Variants in VPS13D observed in about 807,000 individuals in gnomAD.
VPS13D encodes the protein intermembrane lipid transfer protein VPS13D.
Under a neutral mutation model 461.9 loss-of-function variants are expected in VPS13D, and 187 were observed. The observed-to-expected ratio is 0.40, with a 90% CI of 0.36 to 0.46. The LOEUF is 0.46. Among genes scored for constraint, VPS13D ranks in the 20% least tolerant of loss-of-function variants. VPS13D has a pLI of 0.60. For missense variants in VPS13D, 4,711 were observed against 5,364.9 expected, an observed-to-expected ratio of 0.88 and a Z score of 3.81; for synonymous variants, 1,951 against 1,986.3, an observed-to-expected ratio of 0.98 and a Z score of 0.47.
rs1236740160 is a variant in VPS13D, at chr1:12,379,554, A to T, written c.11148A>T (p.Arg3716=). The change falls in exon 57 of 70, where the codon CGA becomes CGT. Residue 3716 remains arginine (R), a synonymous_variant. Transcript: ENST00000620676. ...GCACAACTCAGACGTGGAGTTTCCG[A>T]GAAGGAAAACTGACCTGTGGGTTAC... ...RRSTTQTWSF[R]EGKLTCGLHG... The T allele has an allele frequency of 6.2e-7, 1 of 1,613,650 alleles. No homozygotes were observed. The highest frequency in any genetic ancestry group is 1.7e-5 in the Admixed American group (1 of 59,980).
At position 12,327,819 on chromosome 1, in the gene VPS13D, A is replaced by G; in HGVS notation, c.8162A>G (p.Asp2721Gly). ...VCICFIDDCMDCDVPLAELTF... is the reference protein window; with the variant it reads ...VCICFIDDCMGCDVPLAELTF... ...ATCTGTTTCATCGATGACTGCATGG[A>G]TTGTGATGTTCCTCTCGCTGAACTC... The change falls in exon 36 of 70, where the codon GAT (aspartate) becomes GGT (glycine). Residue 2721 changes from aspartate to glycine, a missense_variant. By Grantham distance (94) the Asp-to-Gly change is moderately conservative (BLOSUM62 -1). Transcript: ENST00000620676. 6.2e-7 allele frequency: 1 copy of G among 1,613,792 alleles called. No homozygotes were observed.
chr1:12,337,286 T>A (rs1643472958), intron 39 of VPS13D: 1 of 152,224 alleles, frequency 6.6e-6, no homozygotes, highest in African/African-American at 2.4e-5. Flanking sequence ...GGTAGTACAG[T>A]ACATTCCAGG....
At chr1:12,456,635 T>TCAAA (rs1645332184) in intron 66 of VPS13D, among the ~76,000 whole-genome samples, 1 of 53,830 alleles carries the variant, frequency 1.9e-5, no homozygotes, top group African/African-American at 1.0e-4. Context: ...AGACTCCAAT[T>TCAAA]CAAAAAAAAA....
rs1471182816 is a variant in VPS13D at position 12,510,654 on chromosome 1, T to C, written c.*1630T>C. 7 of 152,248 alleles carry C rather than the reference T, an allele frequency of 4.6e-5. No individual in the cohort carries two copies. The highest frequency in any genetic ancestry group is 1.7e-4 in the African/African-American group (7 of 41,450). The allele number at this position is 152,248 out of a possible 1,614,324, so 9.4% of individuals were successfully genotyped here. The stretch of plus-strand genomic sequence containing the variant: ...GCTTTCTTGAACTCCGAGGCTTGGT[T>C]GCCTTTGCTGAACTCCAAGTTAGTG... On this transcript the variant is annotated 3_prime_UTR_variant, in exon 70 of 70. Transcript: ENST00000620676.
intron 65 of VPS13D, among the ~76,000 whole-genome samples, chr1:12,425,606 A>G (rs114692547): frequency 0.011 from 1,616 of 151,086 alleles, 23 homozygotes; most frequent in African/African-American, 0.036. Context: ...TGTAGCCATC[A>G]TTTATTAACT....
At position 12,260,700 on chromosome 1, in the gene VPS13D, T is replaced by C. The variant is rs1208130146; in HGVS notation, c.1118T>C (p.Met373Thr). The change falls in exon 11 of 70, where the codon ATG (methionine) becomes ACG (threonine). Residue 373 changes from methionine to threonine, a missense_variant. Transcript: ENST00000620676. ...TTGTTTTCACCCAAACAGGAGGAAATGTGTCGGATTGAAGAGGAACAGAGC... is the reference window on the plus strand; with the variant it reads ...TTGTTTTCACCCAAACAGGAGGAAACGTGTCGGATTGAAGAGGAACAGAGC... Reference protein sequence around the residue: ...GLLSTDDKEEMCRIEEEQSFE... With the variant: ...GLLSTDDKEETCRIEEEQSFE... 1 of 1,613,986 alleles carries C rather than the reference T, an allele frequency of 6.2e-7. No homozygotes were observed. Among genetic ancestry groups the C allele is most frequent in the Non-Finnish European group, 8.5e-7 (1 of 1,180,004 alleles).
At chr1:12,262,623 C>A (rs1641145619) in intron 13 of VPS13D, among the ~76,000 whole-genome samples, 1 of 152,050 alleles carries the variant, frequency 6.6e-6, no homozygotes. Context: ...GTATTCTGAG[C>A]ACTTTTAAGG....
chr1:12,359,859 T>C (rs144605678), intron 50 of VPS13D, among the ~76,000 whole-genome samples: 1 of 152,356 alleles, frequency 6.6e-6, no homozygotes, highest in African/African-American at 2.4e-5. Context: ...CACTTTCGTT[T>C]GCTCCACCCT....
chr1:12,324,546 C>A (rs1019449113), intron 35 of VPS13D, among the ~76,000 whole-genome samples: 2 of 152,118 alleles, frequency 1.3e-5, no homozygotes, highest in Admixed American at 1.3e-4. Flanking sequence ...GGTTCAGATC[C>A]TTACTGTCTG....
chr1:12,485,745 A>G (rs977411970), intron 67 of VPS13D, among the ~76,000 whole-genome samples: 2 of 152,248 alleles, frequency 1.3e-5, no homozygotes, highest in Non-Finnish European at 2.9e-5. Flanking sequence ...CAAACAAACC[A>G]GTTTGCCAAG....
intron 63 of VPS13D, among the ~76,000 whole-genome samples, chr1:12,411,579 A>G (rs1007415437): frequency 2.0e-5 from 3 of 152,072 alleles, no homozygotes; most frequent in African/African-American, 7.2e-5. Context: ...GAAAACATTA[A>G]CTACTGTATC....
chr1:12,414,604 G>C (rs890908974), intron 63 of VPS13D, among the ~76,000 whole-genome samples: 1 of 152,182 alleles, frequency 6.6e-6, no homozygotes, highest in Admixed American at 6.5e-5. Flanking sequence ...GTTGTCTTTG[G>C]GGAGGAAGGA....
At chr1:12,476,139 T>C (rs1479801043) in intron 67 of VPS13D, among the ~76,000 whole-genome samples, 1 of 152,212 alleles carries the variant, frequency 6.6e-6, no homozygotes, top group Admixed American at 6.5e-5. Flanking sequence ...ATGGCAGCTC[T>C]CTTTGTCCTG....
intron 36 of VPS13D, among the ~76,000 whole-genome samples, chr1:12,328,359 CTTTT>C (rs71570103): frequency 3.7e-5 from 5 of 134,168 alleles, no homozygotes; most frequent in Admixed American, 7.6e-5. Flanking sequence ...GTACTCTATC[CTTTT>C]TTTTTTTTTT....
chr1:12,466,041 A>G (rs2100433119), intron 67 of VPS13D, among the ~76,000 whole-genome samples: 1 of 152,220 alleles, frequency 6.6e-6, no homozygotes, highest in South Asian at 2.1e-4. Flanking sequence ...AGGCTGAGGC[A>G]GGAGAATTGC....
intron 34 of VPS13D, among the ~76,000 whole-genome samples, chr1:12,323,210 A>G (rs1045526513): frequency 6.6e-6 from 1 of 151,600 alleles, no homozygotes; most frequent in Non-Finnish European, 1.5e-5. Context: ...GCTGGGAGGG[A>G]CTATAGGTGT....
At chr1:12,247,321 G>T (rs1234925715) in intron 5 of VPS13D, among the ~76,000 whole-genome samples, 2 of 151,680 alleles carry the variant, frequency 1.3e-5, no homozygotes, top group African/African-American at 4.8e-5. Context: ...GGAGGCTGAG[G>T]CAGGAAAGTC....
intron 65 of VPS13D, among the ~76,000 whole-genome samples, chr1:12,441,431 C>T (rs1346541922): frequency 1.3e-5 from 2 of 152,158 alleles, no homozygotes. Context: ...TTGTATGCAG[C>T]ACCCCAACCA....
In VPS13D at chr1:12,505,852, C is replaced by T. The variant is rs1224302554; in HGVS notation, c.12795-1001C>T. ...CACGGACCCCAAGTGAGCGAGGGCC[C>T]GGCAGCCTGCTCCCCTCGACAGGCA... On this transcript the variant is annotated intron_variant, in intron 68 of 69. Transcript: ENST00000620676. This position sits in a 1 kb window ranked among gnomAD's most constrained non-coding sequence, Gnocchi z 4.2. 1.2e-4 allele frequency among the ~76,000 whole-genome samples: 19 copies of T among 152,170 alleles called. No homozygotes were observed. Among genetic ancestry groups the T allele is most frequent in the Non-Finnish European group, 1.8e-4 (12 of 68,026 alleles).
Sources: allele counts gnomAD v4.1 joint callset (sites outside exome capture counted in the v4.1 genomes callset), GRCh38; gene constraint gnomAD v4.1.1; non-coding constraint Gnocchi (gnomAD v3.1); transcripts MANE v1.5; gene names NCBI Gene and HGNC (gene_info 2026-07-23, HGNC 2026-07-21).